The following LAMTOR2 variants were observed in gnomAD, a reference collection of about 807,000 sequenced individuals.
The protein encoded by LAMTOR2 is late endosomal/lysosomal adaptor, MAPK and MTOR activator 2.
Under a neutral mutation model 15.8 loss-of-function variants are expected in LAMTOR2, and 4 were observed. That is an observed-to-expected ratio of 0.25 (90% CI 0.12 to 0.58). The LOEUF is 0.58. Ranked by LOEUF, LAMTOR2 falls within the 20% of genes least tolerant of loss-of-function variation. LAMTOR2 has a pLI of 0.91. For synonymous variants in LAMTOR2, 62 were observed against 64.1 expected, an observed-to-expected ratio of 0.97 and a Z score of 0.15; for missense variants, 100 against 161.0, an observed-to-expected ratio of 0.62 and a Z score of 2.05.
rs773285656 is a variant in LAMTOR2, at chr1:156,055,371, C to T, written c.177C>T (p.Asn59=). Residue 59 remains asparagine, a synonymous_variant, in exon 2 of 4, where the codon AAC becomes AAT. Transcript: ENST00000368305. The surrounding 1 kb of genome is among the most constrained non-coding windows in gnomAD (Gnocchi z 4.8). ...ACATCTGGGCCGCCTACGACCGGAACGGGAACCAAGCGTTTAATGAAGACA... is the reference window on the plus strand; with the variant it reads ...ACATCTGGGCCGCCTACGACCGGAATGGGAACCAAGCGTTTAATGAAGACA... The part of the protein sequence containing the change: ...ASNIWAAYDR[N]GNQAFNEDNL... 3 of 1,614,214 alleles carry T rather than the reference C, an allele frequency of 1.9e-6. No individual in the cohort carries two copies. In the South Asian group the frequency reaches 3.3e-5, roughly 18 times the overall value.
At position 156,055,569 on chromosome 1, in the gene LAMTOR2, A is replaced by G. The variant is rs1332420368; in HGVS notation, c.231+144A>G. 10 of 881,634 alleles carry G rather than the reference A, an allele frequency of 1.1e-5. No individual in the cohort carries two copies. Among genetic ancestry groups the G allele is most frequent in the Non-Finnish European group, 1.8e-5 (10 of 555,092 alleles). The allele number at this position is 881,634 out of a possible 1,614,324, so 54.6% of individuals were successfully genotyped here. A position where few individuals can be genotyped will look rare whatever the true frequency, so the allele number is the denominator to read the frequency against. ...GTTGGTCTGCAGCAGCATTTGTAAT[A>G]GGCAGGACCCTATTCATCAAGTGGT... is the stretch of plus-strand genomic sequence containing the variant. On this transcript the variant is annotated intron_variant, in intron 2 of 3. Transcript: ENST00000368305. The surrounding 1 kb of genome is among the most constrained non-coding windows in gnomAD (Gnocchi z 4.8).
chr1:156,056,250 C>G (rs985250529), intron 2 of LAMTOR2, among the ~76,000 whole-genome samples: 17 of 152,174 alleles, frequency 1.1e-4, no homozygotes, highest in African/African-American at 4.1e-4. Context: ...GATCTACCCA[C>G]GTTGGCCTCC....
chr1:156,055,714 T>G lies in LAMTOR2; in HGVS notation c.231+289T>G. 1 of 461,498 alleles carries G rather than the reference T, an allele frequency of 2.2e-6. No individual in the cohort carries two copies. Among genetic ancestry groups the G allele is most frequent in the Non-Finnish European group, 4.0e-6 (1 of 249,960 alleles). 28.6% of individuals were successfully genotyped at this position (461,498 alleles called of 1,614,324 possible). The stretch of plus-strand genomic sequence containing the variant: ...CCTCTCTCAGCTTCCTTACCTCATG[T>G]TTAAGGAGAAGACAATAATTTCCCT... On this transcript the variant is annotated intron_variant, in intron 2 of 3. Coordinates refer to ENST00000368305, the MANE Select transcript of LAMTOR2 (RefSeq NM_014017.4). This position sits in a 1 kb window ranked among gnomAD's most constrained non-coding sequence, Gnocchi z 4.8.
Position 156,055,768 on chromosome 1 carries a change from A to T in LAMTOR2, c.231+343A>T, listed in dbSNP as rs1426794088. The T allele has an allele frequency of 1.4e-5, 5 of 364,096 alleles. No individual in the cohort carries two copies. Among genetic ancestry groups the T allele is most frequent in the South Asian group, 1.3e-4 (5 of 39,660 alleles). 22.6% of individuals were successfully genotyped at this position (364,096 alleles called of 1,614,324 possible). ...CCCGCTCCCCTCATGGGTTGTTGTG[A>T]AGGTCAGATGAAATAATGGGTATAA... is the stretch of plus-strand genomic sequence containing the variant. On this transcript the variant is annotated intron_variant, in intron 2 of 3. Coordinates refer to ENST00000368305, the MANE Select transcript of LAMTOR2 (RefSeq NM_014017.4). This position sits in a 1 kb window ranked among gnomAD's most constrained non-coding sequence, Gnocchi z 4.8.
intron 2 of LAMTOR2, among the ~76,000 whole-genome samples, chr1:156,057,423 A>C (rs1647410337): frequency 6.6e-6 from 1 of 152,222 alleles, no homozygotes; most frequent in South Asian, 2.1e-4. Flanking sequence ...CCACTAAAAC[A>C]AAAGTCATGA....
Position 156,054,837 on chromosome 1 carries a change from G to C in LAMTOR2, c.-53G>C. 6.3e-7 allele frequency: 1 copy of C among 1,575,828 alleles called. No homozygotes were observed. The highest frequency in any genetic ancestry group is 8.7e-7 in the Non-Finnish European group (1 of 1,149,424). ...CGGGAAGCAGCGGGCAGCGGCCCGC[G>C]GGAGGCACCTCGGAGATCTGGGTGC... On this transcript the variant is annotated 5_prime_UTR_variant, in exon 1 of 4. Coordinates refer to ENST00000368305, the MANE Select transcript of LAMTOR2 (RefSeq NM_014017.4).
At chr1:156,058,149 T>G (rs1242337612) in intron 3 of LAMTOR2, 82 bp downstream of exon 3, 2 of 1,511,566 alleles carry the variant, frequency 1.3e-6, no homozygotes, top group Non-Finnish European at 1.8e-6. Context: ...AGGACCCTGT[T>G]TCTAGAGTTC....
chr1:156,057,822 C>G (rs1160265183), intron 2 of LAMTOR2, among the ~76,000 whole-genome samples, 156 bp from the exon 3 acceptor site: 4 of 152,168 alleles, frequency 2.6e-5, no homozygotes, highest in Non-Finnish European at 5.9e-5. Flanking sequence ...ACCCCATGTT[C>G]AGGGCTGTGG....
chr1:156,058,490 A>C lies in LAMTOR2; in HGVS notation c.*119A>C. 2 of 1,000,700 alleles carry C rather than the reference A, an allele frequency of 2.0e-6. No homozygotes were observed. Among genetic ancestry groups the C allele is most frequent in the Non-Finnish European group, 3.1e-6 (2 of 641,376 alleles). 62.0% of individuals were successfully genotyped at this position (1,000,700 alleles called of 1,614,324 possible). ...TGGGACTTTGTTTTTTCCAAGAATA[A>C]ACTTCAACTCCTGTCATGTGTCTTG... On this transcript the variant is annotated 3_prime_UTR_variant, in exon 4 of 4. Coordinates refer to ENST00000368305, the MANE Select transcript of LAMTOR2 (RefSeq NM_014017.4).
rs1049687678 is a variant in LAMTOR2 at position 156,055,558 on chromosome 1, G to A, written c.231+133G>A. 9.9e-6 allele frequency: 10 copies of A among 1,013,684 alleles called. No individual in the cohort carries two copies. Among genetic ancestry groups the A allele is most frequent in the Non-Finnish European group, 1.4e-5 (9 of 662,990 alleles). The allele number at this position is 1,013,684 out of a possible 1,614,324, so 62.8% of individuals were successfully genotyped here. A position where few individuals can be genotyped will look rare whatever the true frequency, so the allele number is the denominator to read the frequency against. On this transcript the variant is annotated intron_variant, in intron 2 of 3. Coordinates refer to ENST00000368305, the MANE Select transcript of LAMTOR2 (RefSeq NM_014017.4). This position sits in a 1 kb window ranked among gnomAD's most constrained non-coding sequence, Gnocchi z 4.8. ...GATTACTAAGAGTTGGTCTGCAGCAGCATTTGTAATAGGCAGGACCCTATT... is the reference window on the plus strand; with the variant it reads ...GATTACTAAGAGTTGGTCTGCAGCAACATTTGTAATAGGCAGGACCCTATT...
At position 156,056,838 on chromosome 1, in the gene LAMTOR2, T is replaced by A. The variant is rs1041359725; in HGVS notation, c.232-1140T>A. ...TACTGGATGCCTAGAGCTGGTGCTA[T>A]AGGGCAATAGCTTTCAAACGTTTTG... On this transcript the variant is annotated intron_variant, in intron 2 of 3. Transcript: ENST00000368305. 7.9e-5 allele frequency among the ~76,000 whole-genome samples: 12 copies of A among 152,292 alleles called. No individual in the cohort carries two copies. In the South Asian group the frequency reaches 2.1e-3, roughly 26 times the overall value.
chr1:156,055,503 G>A lies in LAMTOR2; in HGVS notation c.231+78G>A. The A allele has an allele frequency of 6.5e-7, 1 of 1,545,278 alleles. No individual in the cohort carries two copies. The highest frequency in any genetic ancestry group is 8.9e-7 in the Non-Finnish European group (1 of 1,119,914). Reference sequence around the variant, plus strand: ...GGCGACCTGGACCCCATCCTGGATGGTTGGAGGGGCAGGGACAGGATCTCC... The same window carrying A: ...GGCGACCTGGACCCCATCCTGGATGATTGGAGGGGCAGGGACAGGATCTCC... On this transcript the variant is annotated intron_variant, in intron 2 of 3. Coordinates refer to ENST00000368305, the MANE Select transcript of LAMTOR2 (RefSeq NM_014017.4). The surrounding 1 kb of genome is among the most constrained non-coding windows in gnomAD (Gnocchi z 4.8).
chr1:156,056,356 T>C (rs1372692635), intron 2 of LAMTOR2, among the ~76,000 whole-genome samples: 2 of 152,054 alleles, frequency 1.3e-5, no homozygotes, highest in African/African-American at 4.8e-5. Context: ...GAAAATGCAA[T>C]GGAGAGAAAG....
intron 2 of LAMTOR2, among the ~76,000 whole-genome samples, chr1:156,057,476 T>C (rs1268096592): frequency 6.8e-6 from 1 of 147,254 alleles, no homozygotes; most frequent in Non-Finnish European, 1.5e-5. Context: ...TCATTTTTTC[T>C]TTTTTGGTTT....
At position 156,055,504 on chromosome 1, in the gene LAMTOR2, T is replaced by C; in HGVS notation, c.231+79T>C. Reference sequence around the variant, plus strand: ...GCGACCTGGACCCCATCCTGGATGGTTGGAGGGGCAGGGACAGGATCTCCG... The same window carrying C: ...GCGACCTGGACCCCATCCTGGATGGCTGGAGGGGCAGGGACAGGATCTCCG... On this transcript the variant is annotated intron_variant, in intron 2 of 3. Transcript: ENST00000368305. This position sits in a 1 kb window ranked among gnomAD's most constrained non-coding sequence, Gnocchi z 4.8. 6.5e-7 allele frequency: 1 copy of C among 1,541,982 alleles called. No homozygotes were observed. The highest frequency in any genetic ancestry group is 9.0e-7 in the Non-Finnish European group (1 of 1,117,074).
chr1:156,055,487 G>GACCC lies in LAMTOR2; in HGVS notation c.231+63_231+66dup. On this transcript the variant is annotated intron_variant, in intron 2 of 3. Transcript: ENST00000368305. This position sits in a 1 kb window ranked among gnomAD's most constrained non-coding sequence, Gnocchi z 4.8. ...AAGGGGATCCCAAGGGGGCGACCTG[G>GACCC]ACCCCATCCTGGATGGTTGGAGGGG... is the stretch of plus-strand genomic sequence containing the variant. The GACCC allele has an allele frequency of 6.3e-7, 1 of 1,596,132 alleles. No individual in the cohort carries two copies. The highest frequency in any genetic ancestry group is 8.6e-7 in the Non-Finnish European group (1 of 1,164,988).
rs930774717 is a variant in LAMTOR2 at position 156,055,500 on chromosome 1, A to G, written c.231+75A>G. 2.6e-6 allele frequency: 4 copies of G among 1,562,794 alleles called. No homozygotes were observed. The highest frequency in any genetic ancestry group is 1.7e-5 in the Admixed American group (1 of 59,828). On this transcript the variant is annotated intron_variant, in intron 2 of 3. Transcript: ENST00000368305. The surrounding 1 kb of genome is among the most constrained non-coding windows in gnomAD (Gnocchi z 4.8). ...GGGGGCGACCTGGACCCCATCCTGG[A>G]TGGTTGGAGGGGCAGGGACAGGATC...
In LAMTOR2 at chr1:156,058,079, C is replaced by A; in HGVS notation, c.321+12C>A. On this transcript the variant is annotated intron_variant, in intron 3 of 3. Transcript: ENST00000368305. Reference sequence around the variant, plus strand: ...TGCTCAAGGCCAAGGTGTGTATGTGCCCATCCCTCCATAGCCCTGGGCCCA... The same window carrying A: ...TGCTCAAGGCCAAGGTGTGTATGTGACCATCCCTCCATAGCCCTGGGCCCA... 1 of 1,612,492 alleles carries A rather than the reference C, an allele frequency of 6.2e-7. No individual in the cohort carries two copies. Among genetic ancestry groups the A allele is most frequent in the Non-Finnish European group, 8.5e-7 (1 of 1,178,494 alleles).
At chr1:156,057,855 T>G (rs1316171843) in intron 2 of LAMTOR2, 123 bp from the exon 3 acceptor site, 1 of 928,910 alleles carries the variant, frequency 1.1e-6, no homozygotes, top group Non-Finnish European at 1.7e-6. Flanking sequence ...CCGCTGAACT[T>G]CCTGCTGTGC....
Sources: gnomAD v4.1 joint callset for allele counts (sites outside exome capture counted in the v4.1 genomes callset) on GRCh38, gnomAD v4.1.1 for gene constraint, Gnocchi (gnomAD v3.1) non-coding constraint, MANE v1.5 for transcripts, NCBI Gene and HGNC (gene_info 2026-07-23, HGNC 2026-07-21) for gene names.